The following TMCO1 variants were observed in gnomAD, a reference collection of about 807,000 sequenced individuals.
TMCO1 encodes transmembrane and coiled-coil domains 1, also known as calcium load-activated calcium channel.
Under a neutral mutation model 29.3 loss-of-function variants are expected in TMCO1, and 29 were observed. That is an observed-to-expected ratio of 0.99 (90% confidence interval 0.74 to 1.35). The LOEUF (loss-of-function observed/expected upper bound fraction) is 1.35. Ranked by LOEUF, TMCO1 falls within the 40% of genes most tolerant of loss-of-function variation. TMCO1 has a pLI of 0.00. For missense variants in TMCO1, 173 were observed against 225.5 expected (o/e 0.77, Z 1.49); for synonymous variants, 80 against 77.1 (o/e 1.04, Z -0.20).
intron 5 of TMCO1, among the ~76,000 whole-genome samples, chr1:165,744,334 C>T (rs145741300): frequency 5.9e-5 from 9 of 152,214 alleles, no homozygotes; most frequent in African/African-American, 9.6e-5. Flanking sequence ...CCCAGTAAAA[C>T]GAATTATTTT....
At chr1:165,765,518 G>A (rs564519473) in intron 2 of TMCO1, among the ~76,000 whole-genome samples, 3 of 152,320 alleles carry the variant, frequency 2.0e-5, no homozygotes, top group South Asian at 4.1e-4. Flanking sequence ...GCCTGACCTC[G>A]TGATCCACCC....
chr1:165,768,843 C>T lies in TMCO1; in HGVS notation c.-92G>A, dbSNP rs1388231675. On this transcript the variant is annotated 5_prime_UTR_variant, in exon 1 of 7. Transcript: ENST00000367881. The stretch of plus-strand genomic sequence containing the variant: ...GCGAAAACGGCTTCCGTAGACTCCG[C>T]CACCACCGAGTAACAGACCAACTCT... The T allele has an allele frequency of 8.8e-6, 14 of 1,586,990 alleles. No individual in the cohort carries two copies. The highest frequency in any genetic ancestry group is 1.3e-5 in the African/African-American group (1 of 74,520).
chr1:165,762,278 G>A (rs1424293882), intron 2 of TMCO1, among the ~76,000 whole-genome samples: 1 of 150,372 alleles, frequency 6.7e-6, no homozygotes, highest in Non-Finnish European at 1.5e-5. Context: ...ATGTTATAAG[G>A]ATAACATTTT....
At chr1:165,737,854 A>C (rs577633137) in intron 6 of TMCO1, among the ~76,000 whole-genome samples, 17 of 152,358 alleles carry the variant, frequency 1.1e-4, no homozygotes, top group Admixed American at 6.5e-4. Flanking sequence ...ACAAGAAAGA[A>C]AAATGAAATT....
intron 6 of TMCO1, among the ~76,000 whole-genome samples, chr1:165,739,080 A>C (rs1380703309): frequency 6.6e-6 from 1 of 152,194 alleles, no homozygotes; most frequent in African/African-American, 2.4e-5. Context: ...AACTGAAAAC[A>C]AACATATGAA....
At chr1:165,765,986 G>A (rs1028385284) in intron 2 of TMCO1, among the ~76,000 whole-genome samples, 2 of 152,240 alleles carry the variant, frequency 1.3e-5, no homozygotes, top group African/African-American at 4.8e-5. Context: ...ATGGTGCTTA[G>A]ACCACAGTGG....
intron 6 of TMCO1, among the ~76,000 whole-genome samples, chr1:165,734,191 A>G (rs1439729392): frequency 1.3e-5 from 2 of 152,192 alleles, no homozygotes; most frequent in Admixed American, 6.5e-5. Flanking sequence ...ACCCTTTCCA[A>G]TATTACCAGG....
chr1:165,730,805 G>A (rs926600640), intron 6 of TMCO1, among the ~76,000 whole-genome samples: 3 of 151,868 alleles, frequency 2.0e-5, no homozygotes, highest in African/African-American at 7.3e-5. Context: ...TGTTGGCCAC[G>A]CTGGTCTCAA....
In TMCO1 at chr1:165,743,386, G is replaced by T; in HGVS notation, c.324-75C>A. On this transcript the variant is annotated intron_variant, in intron 5 of 6. Coordinates refer to ENST00000367881, the MANE Select transcript of TMCO1 (RefSeq NM_019026.6). ...CTTTCTTACTTCCAAAGAAGAATCT[G>T]GGACAGAAATAGAGCTTTAAGTCTC... The T allele has an allele frequency of 4.7e-6, 7 of 1,494,206 alleles. No individual in the cohort carries two copies. The South Asian group carries it at 7.2e-5, about 15-fold the overall frequency. 92.6% of individuals were successfully genotyped at this position (1,494,206 alleles called of 1,614,324 possible).
rs763875549 is a variant in TMCO1 at position 165,752,165 on chromosome 1, C to G, written c.260G>C (p.Arg87Pro). 6.2e-7 allele frequency: 1 copy of G among 1,611,890 alleles called. No homozygotes were observed. The stretch of plus-strand genomic sequence containing the variant: ...GCCAATAGCAAACATGGATTTCATT[C>G]GAACCTGTAATGAGACGAACAAATT... ...KNNNRDLSMV[R>P]MKSMFAIGFC... is the part of the protein sequence containing the mutation. The change falls in exon 5 of 7, where the codon CGA becomes CCA. Residue 87 changes from arginine to proline, a missense_variant. Physicochemically the swap from Arg to Pro is moderately radical, Grantham distance 103 (BLOSUM62 -2). Transcript: ENST00000367881.
chr1:165,746,071 G>C (rs1430725253), intron 5 of TMCO1, among the ~76,000 whole-genome samples: 1 of 151,938 alleles, frequency 6.6e-6, no homozygotes, highest in Non-Finnish European at 1.5e-5. Context: ...CACGAGGTCA[G>C]GAGTTTGAGA....
Position 165,768,174 on chromosome 1 carries a change from A to T in TMCO1, c.148+18T>A, listed in dbSNP as rs201077295. On this transcript the variant is annotated intron_variant, in intron 2 of 6. Transcript: ENST00000367881. The stretch of plus-strand genomic sequence containing the variant: ...GCTTGACGTGTTGAAATTATTTCTA[A>T]TGTGTTGCCATACTCACATTTTTTA... 3.1e-6 allele frequency: 5 copies of T among 1,593,202 alleles called. No individual in the cohort carries two copies. Among genetic ancestry groups the T allele is most frequent in the Non-Finnish European group, 4.3e-6 (5 of 1,160,902 alleles).
intron 6 of TMCO1, among the ~76,000 whole-genome samples, chr1:165,730,388 ACT>A (rs1308515175): frequency 6.6e-6 from 1 of 152,128 alleles, no homozygotes; most frequent in African/African-American, 2.4e-5. Context: ...TTGAGGTAAC[ACT>A]GTTAGAATAC....
At chr1:165,753,315 AT>A (rs1482475895) in intron 4 of TMCO1, among the ~76,000 whole-genome samples, 15 of 151,862 alleles carry the variant, frequency 9.9e-5, no homozygotes, top group Admixed American at 6.6e-4. Flanking sequence ...TGTACAAAAA[AT>A]ACAAAAATAA....
intron 6 of TMCO1, among the ~76,000 whole-genome samples, chr1:165,739,087 T>A (rs769390614): frequency 6.6e-6 from 1 of 152,120 alleles, no homozygotes; most frequent in Non-Finnish European, 1.5e-5. Flanking sequence ...AACAAACATA[T>A]GAAAATTTTT....
intron 2 of TMCO1, among the ~76,000 whole-genome samples, chr1:165,764,131 A>C (rs1652491808): frequency 6.6e-6 from 1 of 152,236 alleles, no homozygotes; most frequent in Non-Finnish European, 1.5e-5. Context: ...TCATAAAACT[A>C]CTCAATGATA....
intron 6 of TMCO1, among the ~76,000 whole-genome samples, chr1:165,732,477 T>TTCTCTC (rs143135718): frequency 4.9e-5 from 7 of 144,078 alleles, no homozygotes; most frequent in South Asian, 2.2e-4. Context: ...AGCAAATGGT[T>TTCTCTC]TCTCTCTCTC....
At position 165,727,074 on chromosome 1, in the gene TMCO1, C is replaced by T. The variant is rs750835389; in HGVS notation, c.*949G>A. ...AGGACTCCTAATTCCATAGATTATGCGGGGAGGATCATGGTACAAACATCC... is the reference window on the plus strand; with the variant it reads ...AGGACTCCTAATTCCATAGATTATGTGGGGAGGATCATGGTACAAACATCC... On this transcript the variant is annotated 3_prime_UTR_variant, in exon 7 of 7. Coordinates refer to ENST00000367881, the MANE Select transcript of TMCO1 (RefSeq NM_019026.6). 22 of 453,848 alleles carry T rather than the reference C, an allele frequency of 4.8e-5. No individual in the cohort carries two copies. Among genetic ancestry groups the T allele is most frequent in the South Asian group, 1.7e-4 (11 of 64,466 alleles). 28.1% of individuals were successfully genotyped at this position (453,848 alleles called of 1,614,324 possible). A position where few individuals can be genotyped will look rare whatever the true frequency, so the allele number is the denominator to read the frequency against.
At chr1:165,730,137 C>A (rs540053184) in intron 6 of TMCO1, among the ~76,000 whole-genome samples, 1 of 134,456 alleles carries the variant, frequency 7.4e-6, no homozygotes, top group East Asian at 2.3e-4. Context: ...CTGGCTAACA[C>A]GGTGAAACCC....
Sources: gnomAD v4.1 joint callset for allele counts (sites outside exome capture counted in the v4.1 genomes callset) on GRCh38, gnomAD v4.1.1 for gene constraint, MANE v1.5 for transcripts, NCBI Gene and HGNC (gene_info 2026-07-23, HGNC 2026-07-21) for gene names.